The following MICU1 variants were observed in gnomAD, a reference collection of about 807,000 sequenced individuals.
The protein encoded by MICU1 is mitochondrial calcium uptake 1.
In MICU1, 45 loss-of-function variants were observed where a neutral mutation model predicts 56.8. That is an observed-to-expected ratio of 0.79 (90% CI 0.62 to 1.02). MICU1 has a LOEUF of 1.02. MICU1 is among the 50% of genes least tolerant of loss of function. MICU1 has a pLI of 0.00. For missense variants in MICU1, 504 were observed against 587.1 expected (o/e 0.86, Z 1.46); for synonymous variants, 186 against 195.1 (o/e 0.95, Z 0.39).
rs1418893425 is a variant in MICU1, at chr10:72,368,038, G to A, written c.*157C>T. On this transcript the variant is annotated 3_prime_UTR_variant, in exon 12 of 12. Coordinates refer to ENST00000361114, the MANE Select transcript of MICU1 (RefSeq NM_001195518.2). ...TCAGAGCCCAGCAGAACACGGGGAC[G>A]GGGAAGGGTAAAGAGGGGAAACCGA... is the stretch of plus-strand genomic sequence containing the variant. The A allele has an allele frequency of 2.6e-5, 18 of 697,990 alleles. No homozygotes were observed. The highest frequency in any genetic ancestry group is 1.8e-4 in the Admixed American group (6 of 33,876). 43.2% of individuals were successfully genotyped at this position (697,990 alleles called of 1,614,324 possible). A position where few individuals can be genotyped will look rare whatever the true frequency, so the allele number is the denominator to read the frequency against.
chr10:72,475,856 C>A (rs149622163), intron 7 of MICU1: 1 of 456,602 alleles, frequency 2.2e-6, no homozygotes, highest in Non-Finnish European at 4.4e-6. Context: ...ACACAGACAG[C>A]CTGACAACTT....
At chr10:72,563,988 CAAAATAATATAAGTATTTCTTTTTTAA>C (rs1205621481) in intron 2 of MICU1, among the ~76,000 whole-genome samples, 2 of 150,794 alleles carry the variant, frequency 1.3e-5, no homozygotes, top group Admixed American at 6.6e-5. Flanking sequence ...AATAGGGGAC[CAAAATAATATAAGTATTTCTTTTTTAA>C]AAAATAATAT....
intron 6 of MICU1, among the ~76,000 whole-genome samples, chr10:72,503,388 T>A (rs1187186478): frequency 6.6e-6 from 1 of 152,136 alleles, no homozygotes; most frequent in Non-Finnish European, 1.5e-5. Context: ...CCCCAGCACA[T>A]AGACGACATT....
At chr10:72,504,557 A>G (rs1204914731) in intron 6 of MICU1, among the ~76,000 whole-genome samples, 1 of 152,208 alleles carries the variant, frequency 6.6e-6, no homozygotes, top group Admixed American at 6.5e-5. Context: ...CATTCTAGAC[A>G]TCAACTTTGG....
At chr10:72,592,214 G>A (rs1465290059) in intron 1 of MICU1, among the ~76,000 whole-genome samples, 1 of 151,616 alleles carries the variant, frequency 6.6e-6, no homozygotes, top group Non-Finnish European at 1.5e-5. Context: ...TTCACATGTT[G>A]GTCAGGCTGG....
intron 6 of MICU1, among the ~76,000 whole-genome samples, chr10:72,505,996 C>CAA (rs34458233): frequency 0.55 from 76,409 of 137,786 alleles, 21,790 homozygotes; most frequent in Non-Finnish European, 0.65. Context: ...AACAAGCAAG[C>CAA]AAAAAAAAAA....
intron 9 of MICU1, among the ~76,000 whole-genome samples, chr10:72,422,488 C>A (rs764354665): frequency 4.6e-5 from 7 of 152,204 alleles, no homozygotes; most frequent in Non-Finnish European, 8.8e-5. Flanking sequence ...CCACCTCTCT[C>A]CTTTCTCTGC....
At chr10:72,546,033 A>C (rs545805182) in intron 4 of MICU1, among the ~76,000 whole-genome samples, 1 of 152,274 alleles carries the variant, frequency 6.6e-6, no homozygotes, top group Admixed American at 6.5e-5. Context: ...CCCCTTCCCA[A>C]CATGGCCTGA....
rs754639936 is a variant in MICU1, at chr10:72,408,038, C to G, written c.1072-1G>C. On this transcript the variant is annotated splice_acceptor_variant, in intron 9 of 11. Transcript: ENST00000361114. LOFTEE classifies it high-confidence loss of function. ...TCTCCACCTCCTGAAATGTCAGACC[C>G]TGCAAGAGGAGAGACAGCAAGGTAA... The G allele has an allele frequency of 2.2e-5, 36 of 1,607,628 alleles. No homozygotes were observed. The South Asian group carries it at 3.5e-4, about 16-fold the overall frequency.
chr10:72,509,450 A>G (rs753206836), intron 5 of MICU1: 3 of 1,302,974 alleles, frequency 2.3e-6, no homozygotes, highest in Non-Finnish European at 3.0e-6. Context: ...AAACTGGTTA[A>G]CCAACTGAAA....
At chr10:72,413,548 T>A (rs1464709471) in intron 9 of MICU1, among the ~76,000 whole-genome samples, 2 of 152,030 alleles carry the variant, frequency 1.3e-5, no homozygotes, top group Non-Finnish European at 2.9e-5. Context: ...GCCTGACCAA[T>A]ATGGTGAAAA....
intron 1 of MICU1, among the ~76,000 whole-genome samples, chr10:72,612,453 G>C (rs997165727): frequency 4.6e-5 from 7 of 152,172 alleles, no homozygotes; most frequent in Non-Finnish European, 4.4e-5. Flanking sequence ...TAGGCTAAAA[G>C]AGTAATGGGA....
chr10:72,450,160 GA>G (rs1865250420), intron 8 of MICU1, among the ~76,000 whole-genome samples: 1 of 151,372 alleles, frequency 6.6e-6, no homozygotes, highest in Non-Finnish European at 1.5e-5. Context: ...TAAGTGATTT[GA>G]AAAAAAAGTA....
At chr10:72,376,901 T>C (rs1237216155) in intron 10 of MICU1, among the ~76,000 whole-genome samples, 1 of 151,276 alleles carries the variant, frequency 6.6e-6, no homozygotes, top group African/African-American at 2.4e-5. Flanking sequence ...TATATATTTA[T>C]AGAAATATAT....
rs547133529 is a variant in MICU1 at position 72,547,964 on chromosome 10, A to G, written c.493+3215T>C. On this transcript the variant is annotated intron_variant, in intron 4 of 11. Coordinates refer to ENST00000361114, the MANE Select transcript of MICU1 (RefSeq NM_001195518.2). ...CCATCTGAGAAACCATGTAGTCTGT[A>G]TATCAGAATTGATCATCCAAGACAA... Among the ~76,000 whole-genome samples the G allele has an allele frequency of 1.4e-4, 21 of 152,348 alleles. No individual in the cohort carries two copies. In the South Asian group the frequency reaches 4.3e-3, roughly 32 times the overall value.
chr10:72,555,150 A>T (rs1164990275), intron 3 of MICU1, among the ~76,000 whole-genome samples: 1 of 152,236 alleles, frequency 6.6e-6, no homozygotes, highest in Non-Finnish European at 1.5e-5. Context: ...GAAGCAAAAA[A>T]TTCCCCAGCA....
intron 11 of MICU1, among the ~76,000 whole-genome samples, chr10:72,373,453 A>G (rs79349875): frequency 0.029 from 4,380 of 152,254 alleles, 191 homozygotes; most frequent in African/African-American, 0.1. Flanking sequence ...CTGGGATTAC[A>G]GTTGTGAGCC....
intron 8 of MICU1, among the ~76,000 whole-genome samples, chr10:72,432,087 C>CTTTT (rs35109632): frequency 8.3e-6 from 1 of 120,524 alleles, no homozygotes; most frequent in African/African-American, 3.1e-5. Flanking sequence ...AATGTATTGC[C>CTTTT]TTTTTTTTTT....
chr10:72,623,235 C>A (rs1244268515), intron 1 of MICU1, among the ~76,000 whole-genome samples: 1 of 129,182 alleles, frequency 7.7e-6, no homozygotes, highest in Non-Finnish European at 1.6e-5. Flanking sequence ...CGCGCCATTG[C>A]ACTGTAGCCT....
Sources: allele counts gnomAD v4.1 joint callset (sites outside exome capture counted in the v4.1 genomes callset), GRCh38; gene constraint gnomAD v4.1.1; transcripts MANE v1.5; gene names NCBI Gene and HGNC (gene_info 2026-07-23, HGNC 2026-07-21).